The following SORCS2 variants were observed in gnomAD, a reference collection of about 807,000 sequenced individuals.
The protein encoded by SORCS2 is sortilin related VPS10 domain containing receptor 2, also known as VPS10 domain-containing receptor SorCS2.
A neutral mutation model predicts 141.6 loss-of-function variants in SORCS2; 100 were observed. The ratio of observed to expected loss-of-function variants is 0.71; its 90% CI spans 0.60 to 0.83. The LOEUF (loss-of-function observed/expected upper bound fraction) is 0.83. Ranked by LOEUF, SORCS2 falls within the 40% of genes least tolerant of loss-of-function variation. SORCS2 has a pLI of 0.00. For synonymous variants in SORCS2, 789 were observed against 676.9 expected (o/e 1.17, Z -2.57); for missense variants, 1,646 against 1,560.2 (o/e 1.05, Z -0.93).
intron 2 of SORCS2, among the ~76,000 whole-genome samples, chr4:7,406,615 G>A (rs979752214): frequency 6.6e-6 from 1 of 151,304 alleles, no homozygotes; most frequent in Non-Finnish European, 1.5e-5. Flanking sequence ...TTTATTTTGA[G>A]TTTTCTCTCT....
chr4:7,670,127 C>A (rs1334325464), intron 8 of SORCS2, among the ~76,000 whole-genome samples: 1 of 152,208 alleles, frequency 6.6e-6, no homozygotes, highest in Admixed American at 6.5e-5. Context: ...GCAAGCTGGG[C>A]TGCTGTCACA....
At chr4:7,707,320 C>G (rs1725534860) in intron 14 of SORCS2, among the ~76,000 whole-genome samples, 1 of 152,204 alleles carries the variant, frequency 6.6e-6, no homozygotes, top group Non-Finnish European at 1.5e-5. Context: ...GACACCTAGT[C>G]TGCCTCCCAG....
Position 7,667,131 on chromosome 4 carries a change from C to T in SORCS2, c.1079C>T (p.Ser360Leu), listed in dbSNP as rs747498420. The T allele has an allele frequency of 6.2e-7, 1 of 1,613,094 alleles. No individual in the cohort carries two copies. Among genetic ancestry groups the T allele is most frequent in the East Asian group, 2.2e-5 (1 of 44,836 alleles). ...QDDYIFFKAT[S>L]ANQTKYYVSY... ...GTTTCTTCCCCCGGTTAGGCAACAT[C>T]AGCAAACCAGACAAAATACTACGTC... Residue 360 changes from serine to leucine, a missense_variant, in exon 8 of 27, where the codon TCA becomes TTA. By Grantham distance (145) the Ser-to-Leu change is moderately radical. Coordinates refer to ENST00000507866, the MANE Select transcript of SORCS2 (RefSeq NM_020777.3).
chr4:7,585,326 G>A (rs111386302), intron 3 of SORCS2, among the ~76,000 whole-genome samples: 445 of 152,258 alleles, frequency 2.9e-3, no homozygotes, highest in African/African-American at 0.01. Context: ...AAAACCCGCC[G>A]GACTTCCAAG....
chr4:7,340,085 G>A (rs550491307), intron 1 of SORCS2, among the ~76,000 whole-genome samples: 15 of 152,350 alleles, frequency 9.8e-5, no homozygotes, highest in Middle Eastern at 3.4e-3. Flanking sequence ...CTGCCAGGCC[G>A]CATGTTCAGG....
intron 10 of SORCS2, among the ~76,000 whole-genome samples, chr4:7,687,604 G>T (rs538122179): frequency 2.6e-5 from 4 of 152,168 alleles, no homozygotes; most frequent in Admixed American, 2.6e-4. Context: ...GGCTCCCCAG[G>T]TTCCACTGGG....
In SORCS2 at chr4:7,388,497, A is replaced by G. The variant is rs151281536; in HGVS notation, c.481-7791A>G. 3.0e-3 allele frequency among the ~76,000 whole-genome samples: 455 copies of G among 152,230 alleles called. 2 individuals are homozygous for G. The highest frequency in any genetic ancestry group is 0.01 in the African/African-American group (434 of 41,532). ...CAGCCAAATGGTTCCAAATGTCATGACTACTAAAGGGTCTCTAGTTGAAAT... is the reference window on the plus strand; with the variant it reads ...CAGCCAAATGGTTCCAAATGTCATGGCTACTAAAGGGTCTCTAGTTGAAAT... On this transcript the variant is annotated intron_variant, in intron 1 of 26. Coordinates refer to ENST00000507866, the MANE Select transcript of SORCS2 (RefSeq NM_020777.3).
chr4:7,201,026 A>G lies in SORCS2; in HGVS notation c.480+7900A>G, dbSNP rs2108860335. Among the ~76,000 whole-genome samples the G allele has an allele frequency of 6.6e-6, 1 of 152,230 alleles. No individual in the cohort carries two copies. Among genetic ancestry groups the G allele is most frequent in the Admixed American group, 6.5e-5 (1 of 15,300 alleles). On this transcript the variant is annotated intron_variant, in intron 1 of 26. Transcript: ENST00000507866. This position sits in a 1 kb window ranked among gnomAD's most constrained non-coding sequence, Gnocchi z 4.4. ...AGGATTCAGTGAGGGGCCAAGTCAA[A>G]CTTGGCCCCTGCGCGGGTGAAATGT...
At chr4:7,574,641 A>C (rs1217949964) in intron 3 of SORCS2, among the ~76,000 whole-genome samples, 1 of 151,344 alleles carries the variant, frequency 6.6e-6, no homozygotes, top group Non-Finnish European at 1.5e-5. Flanking sequence ...AGAAGGGAGG[A>C]AGGGAGGGAG....
At position 7,663,509 on chromosome 4, in the gene SORCS2, C is replaced by A. The variant is rs1722312272; in HGVS notation, c.953-844C>A. On this transcript the variant is annotated intron_variant, in intron 6 of 26. Coordinates refer to ENST00000507866, the MANE Select transcript of SORCS2 (RefSeq NM_020777.3). This position sits in a 1 kb window ranked among gnomAD's most constrained non-coding sequence, Gnocchi z 4.8. Reference sequence around the variant, plus strand: ...GGAACATGGATGTGGCTCAGGAGGGCTTGGCAGTGGCCTGGTGCTGCTGCC... The same window carrying A: ...GGAACATGGATGTGGCTCAGGAGGGATTGGCAGTGGCCTGGTGCTGCTGCC... 1.3e-5 allele frequency among the ~76,000 whole-genome samples: 2 copies of A among 152,238 alleles called. No homozygotes were observed. The highest frequency in any genetic ancestry group is 4.1e-4 in the South Asian group (2 of 4,834).
chr4:7,639,595 G>T (rs1185339135), intron 4 of SORCS2, among the ~76,000 whole-genome samples: 2 of 151,762 alleles, frequency 1.3e-5, no homozygotes, highest in Non-Finnish European at 2.9e-5. Flanking sequence ...ATGCGAGTGT[G>T]GGTGTGAGTG....
Position 7,358,814 on chromosome 4 carries a change from T to C in SORCS2, c.481-37474T>C, listed in dbSNP as rs1446357210. Among the ~76,000 whole-genome samples, 4 of 152,248 alleles carry C rather than the reference T, an allele frequency of 2.6e-5. No homozygotes were observed. The East Asian group carries it at 5.8e-4, about 22-fold the overall frequency. On this transcript the variant is annotated intron_variant, in intron 1 of 26. Transcript: ENST00000507866. ...AGATGGTTTATTTTGCTTTAAGTTA[T>C]AGGTTACCACTATGTTTTTATTTTT...
intron 2 of SORCS2, among the ~76,000 whole-genome samples, chr4:7,500,306 C>A (rs1032333261): frequency 1.3e-5 from 1 of 74,174 alleles, no homozygotes; most frequent in South Asian, 6.5e-4. Context: ...GATCAATACT[C>A]GCCTTCCTTA....
At position 7,649,979 on chromosome 4, in the gene SORCS2, G is replaced by A. The variant is rs138130275; in HGVS notation, c.814-4155G>A. 5.1e-3 allele frequency among the ~76,000 whole-genome samples: 780 copies of A among 152,262 alleles called. 8 individuals are homozygous for A. The highest frequency in any genetic ancestry group is 0.018 in the African/African-American group (739 of 41,534). On this transcript the variant is annotated intron_variant, in intron 4 of 26. Transcript: ENST00000507866. ...AGCAGATGTGGCCTCTGATCCTGGC[G>A]GCTATTAGTGTGAATGATGTGCCCG...
chr4:7,691,138 C>T (rs1724219737), intron 11 of SORCS2, among the ~76,000 whole-genome samples: 1 of 152,204 alleles, frequency 6.6e-6, no homozygotes, highest in African/African-American at 2.4e-5. Flanking sequence ...CCATTTCCCC[C>T]AGCACCATCT....
At chr4:7,297,372 A>G (rs893428723) in intron 1 of SORCS2, among the ~76,000 whole-genome samples, 2 of 152,076 alleles carry the variant, frequency 1.3e-5, no homozygotes, top group African/African-American at 4.8e-5. Flanking sequence ...TGTCCCCTGC[A>G]TGAATACCAC....
In SORCS2 at chr4:7,286,699, T is replaced by TG. The variant is rs1560165282; in HGVS notation, c.480+93575dup. On this transcript the variant is annotated intron_variant, in intron 1 of 26. Transcript: ENST00000507866. The surrounding 1 kb of genome is among the most constrained non-coding windows in gnomAD (Gnocchi z 4.1). ...ACTCGACTCTGGGCCTCCTGCCTTC[T>TG]GGCCTGGCACTTTTTCCACAATGCC... Among the ~76,000 whole-genome samples the TG allele has an allele frequency of 1.3e-5, 2 of 152,304 alleles. No homozygotes were observed. The highest frequency in any genetic ancestry group is 3.4e-3 in the Middle Eastern group (1 of 294).
chr4:7,297,665 C>T (rs918524479), intron 1 of SORCS2, among the ~76,000 whole-genome samples: 2 of 152,250 alleles, frequency 1.3e-5, no homozygotes, highest in African/African-American at 4.8e-5. Flanking sequence ...GAGAACCGTG[C>T]TCTATGGTTC....
At chr4:7,563,459 G>A (rs1201010251) in intron 3 of SORCS2, among the ~76,000 whole-genome samples, 3 of 152,058 alleles carry the variant, frequency 2.0e-5, no homozygotes, top group Non-Finnish European at 4.4e-5. Flanking sequence ...TCCCACATTC[G>A]CAAATCAAGC....
Sources: gnomAD v4.1 joint callset for allele counts (sites outside exome capture counted in the v4.1 genomes callset) on GRCh38, gnomAD v4.1.1 for gene constraint, Gnocchi (gnomAD v3.1) non-coding constraint, MANE v1.5 for transcripts, NCBI Gene and HGNC (gene_info 2026-07-23, HGNC 2026-07-21) for gene names.